The following ZNF282 variants were observed in gnomAD, a reference collection of about 807,000 sequenced individuals.
The protein encoded by ZNF282 is zinc finger protein 282, also known as HTLV-I U5 repressive element-binding protein 1.
Under a neutral mutation model 61.9 loss-of-function variants are expected in ZNF282, and 30 were observed. The ratio of observed to expected loss-of-function variants is 0.48; its 90% CI spans 0.36 to 0.66. ZNF282 has a LOEUF of 0.66. ZNF282 is among the 30% of genes least tolerant of loss of function. The pLI is 0.00. For missense variants in ZNF282, 788 were observed against 941.4 expected (o/e 0.84, Z 2.13); for synonymous variants, 396 against 405.0 (o/e 0.98, Z 0.27).
At chr7:149,213,166 C>T (rs1796112293) in intron 6 of ZNF282, among the ~76,000 whole-genome samples, 1 of 152,146 alleles carries the variant, frequency 6.6e-6, no homozygotes. Context: ...ATCCTACCCA[C>T]CATACCAGGG....
rs189939659 is a variant in ZNF282 at position 149,203,052 on chromosome 7, G to A, written c.586-3644G>A. On this transcript the variant is annotated intron_variant, in intron 2 of 7. Transcript: ENST00000610704. ...GGCTTCACAGAACTGAGTTGTAATC[G>A]TGGCTCTGGTTCCTCAGCAAAACAT... Among the ~76,000 whole-genome samples the A allele has an allele frequency of 1.7e-4, 26 of 152,274 alleles. No individual in the cohort carries two copies. In the East Asian group the frequency reaches 4.4e-3, roughly 26 times the overall value.
chr7:149,210,267 A>G (rs1043200377), intron 4 of ZNF282, among the ~76,000 whole-genome samples: 52 of 151,950 alleles, frequency 3.4e-4, no homozygotes, highest in Non-Finnish European at 4.4e-5. Context: ...ACACAGCTCT[A>G]GGTTGTTTCT....
Position 149,198,572 on chromosome 7 carries a change from CTG to C in ZNF282, c.408_409del (p.Cys136Ter), listed in dbSNP as rs1795858196. ...TGTAEKKLAD[C>X]EKTAVEFGNH... ...GGACAGCCGAGAAGAAGCTGGCCGACTGTGAAAAGACGGCCGTGGAATTTGGG... is the reference window on the plus strand; with the variant it reads ...GGACAGCCGAGAAGAAGCTGGCCGACTGAAAAGACGGCCGTGGAATTTGGG... On this transcript the variant is annotated frameshift_variant, in exon 2 of 8. Coordinates refer to ENST00000610704, the MANE Select transcript of ZNF282 (RefSeq NM_003575.4). LOFTEE classifies it high-confidence loss of function. This position sits in a 1 kb window ranked among gnomAD's most constrained non-coding sequence, Gnocchi z 4.3. 1 of 1,614,178 alleles carries C rather than the reference CTG, an allele frequency of 6.2e-7. No individual in the cohort carries two copies. The highest frequency in any genetic ancestry group is 1.7e-5 in the Admixed American group (1 of 60,020).
intron 4 of ZNF282, 64 bp downstream of exon 4, chr7:149,207,534 C>T (rs1430682212): frequency 3.3e-5 from 51 of 1,542,124 alleles, no homozygotes; most frequent in African/African-American, 5.5e-5. Context: ...CGGCTTTCCG[C>T]ACACTGCTGC....
intron 3 of ZNF282, among the ~76,000 whole-genome samples, 191 bp from the exon 4 acceptor site, chr7:149,207,160 T>C (rs928319147): frequency 2.0e-5 from 3 of 151,978 alleles, no homozygotes; most frequent in East Asian, 3.9e-4. Context: ...AGAGACCAGC[T>C]CTTCCTACAG....
chr7:149,219,098 C>G (rs1401197290), intron 7 of ZNF282, among the ~76,000 whole-genome samples: 1 of 152,186 alleles, frequency 6.6e-6, no homozygotes, highest in African/African-American at 2.4e-5. Context: ...AGCTCAGTCT[C>G]CAGCCCCTTT....
intron 3 of ZNF282, among the ~76,000 whole-genome samples, chr7:149,207,055 C>T (rs1242571852): frequency 1.3e-5 from 2 of 152,212 alleles, no homozygotes; most frequent in East Asian, 3.8e-4. Context: ...ACCACTACCA[C>T]GTTGGATTAC....
chr7:149,198,236 C>T lies in ZNF282; in HGVS notation c.166-97C>T. 7.1e-7 allele frequency: 1 copy of T among 1,406,208 alleles called. No homozygotes were observed. The allele number at this position is 1,406,208 out of a possible 1,614,324, so 87.1% of individuals were successfully genotyped here. On this transcript the variant is annotated intron_variant, in intron 1 of 7. Coordinates refer to ENST00000610704, the MANE Select transcript of ZNF282 (RefSeq NM_003575.4). The surrounding 1 kb of genome is among the most constrained non-coding windows in gnomAD (Gnocchi z 4.3). The stretch of plus-strand genomic sequence containing the variant: ...CGGGGGCCTGGCAGAAGAAAGACGA[C>T]ATGTAGCATCTGATTAGTTGACCCC...
chr7:149,222,212 C>T (rs1467244659), intron 7 of ZNF282, among the ~76,000 whole-genome samples: 1 of 152,138 alleles, frequency 6.6e-6, no homozygotes, highest in African/African-American at 2.4e-5. Context: ...AACCGCATTT[C>T]CTGGGGTGGT....
chr7:149,220,222 C>T (rs1255115391), intron 7 of ZNF282, among the ~76,000 whole-genome samples: 1 of 152,088 alleles, frequency 6.6e-6, no homozygotes, highest in African/African-American at 2.4e-5. Flanking sequence ...TCCTGGCTAA[C>T]ACGGTGAAAC....
intron 2 of ZNF282, chr7:149,206,490 C>A: frequency 1.5e-6 from 1 of 669,246 alleles, no homozygotes; most frequent in South Asian, 2.2e-5. Context: ...TCTAAAAAGG[C>A]AGGGTTGACC....
intron 7 of ZNF282, among the ~76,000 whole-genome samples, chr7:149,220,913 G>A (rs190328551): frequency 1.3e-5 from 1 of 79,366 alleles, no homozygotes; most frequent in Admixed American, 1.7e-4. Context: ...GAGGCCCCTG[G>A]AGGGTTTTTT....
rs1368971306 is a variant in ZNF282, at chr7:149,224,638, G to A, written c.2007G>A (p.Glu669=). The change falls in exon 8 of 8, where the codon GAG becomes GAA. Residue 669 remains glutamate (E), a synonymous_variant. Transcript: ENST00000610704. ...GAPRQLPPPP[E]RD ...CACGGCAGCTCCCGCCGCCTCCTGA[G>A]CGAGACTAGGGCTGGGCTGGGGGAG... 5 of 1,523,064 alleles carry A rather than the reference G, an allele frequency of 3.3e-6. No homozygotes were observed. In the African/African-American group the frequency reaches 6.9e-5, roughly 21 times the overall value. 94.3% of individuals were successfully genotyped at this position (1,523,064 alleles called of 1,614,324 possible).
intron 1 of ZNF282, among the ~76,000 whole-genome samples, chr7:149,197,623 C>T (rs1006083170): frequency 3.3e-5 from 5 of 152,200 alleles, no homozygotes; most frequent in Admixed American, 1.3e-4. Context: ...CAGGAGCCCA[C>T]CACCACACCC....
At chr7:149,207,567 A>C in intron 4 of ZNF282, 97 bp downstream of exon 4, 1 of 1,505,008 alleles carries the variant, frequency 6.6e-7, no homozygotes, top group Non-Finnish European at 8.9e-7. Flanking sequence ...CTGTGTGTGC[A>C]CCATGGGGCG....
chr7:149,196,836 G>A (rs913180731), intron 1 of ZNF282, among the ~76,000 whole-genome samples: 7 of 152,096 alleles, frequency 4.6e-5, no homozygotes, highest in African/African-American at 1.7e-4. Flanking sequence ...CGATCCTAGG[G>A]CCCTGCTCTC....
intron 1 of ZNF282, among the ~76,000 whole-genome samples, chr7:149,196,642 T>C (rs1223334893): frequency 6.6e-6 from 1 of 152,122 alleles, no homozygotes; most frequent in Non-Finnish European, 1.5e-5. Context: ...TGTGTTGTGT[T>C]TGATCATTTT....
At chr7:149,217,769 G>A (rs1796182032) in intron 7 of ZNF282, among the ~76,000 whole-genome samples, 1 of 152,160 alleles carries the variant, frequency 6.6e-6, no homozygotes, top group Non-Finnish European at 1.5e-5. Flanking sequence ...GCCTGACTGA[G>A]TGTGCCCTTG....
chr7:149,220,739 C>T (rs917833549), intron 7 of ZNF282, among the ~76,000 whole-genome samples: 2 of 151,038 alleles, frequency 1.3e-5, no homozygotes, highest in African/African-American at 2.4e-5. Context: ...TACATGCTTG[C>T]ATGTGAATCA....
Sources: allele counts gnomAD v4.1 joint callset (sites outside exome capture counted in the v4.1 genomes callset), GRCh38; gene constraint gnomAD v4.1.1; non-coding constraint Gnocchi (gnomAD v3.1); transcripts MANE v1.5; gene names NCBI Gene and HGNC (gene_info 2026-07-23, HGNC 2026-07-21).